Variants in ZNF423 observed in about 807,000 individuals in gnomAD.
ZNF423 encodes Ebf-associated zinc finger protein.
ZNF423 carries 12 observed loss-of-function variants against 95.8 expected under a neutral mutation model. The observed-to-expected ratio is 0.13, with a 90% CI of 0.08 to 0.20. ZNF423 has a LOEUF of 0.20. Ranked by LOEUF, ZNF423 falls within the 10% of genes least tolerant of loss-of-function variation. The pLI, the probability that ZNF423 is intolerant of heterozygous loss-of-function variation, is 1.00. For missense variants in ZNF423, 1,316 were observed against 1,737.1 expected (o/e 0.76, Z 4.31); for synonymous variants, 749 against 711.9 (o/e 1.05, Z -0.83).
intron 5 of ZNF423, among the ~76,000 whole-genome samples, chr16:49,607,069 ATTTTTT>A (rs56023806): frequency 1.4e-5 from 2 of 141,054 alleles, no homozygotes; most frequent in East Asian, 4.2e-4. Context: ...AATGTTTTGG[ATTTTTT>A]TTTTTTTTTT....
intron 3 of ZNF423, chr16:49,711,334 G>T (rs2032537550): frequency 6.6e-6 from 1 of 152,086 alleles, no homozygotes; most frequent in South Asian, 2.1e-4. Flanking sequence ...ATAAAGCACG[G>T]GGCATCCACA....
At chr16:49,693,432 C>T (rs148209368) in intron 3 of ZNF423, among the ~76,000 whole-genome samples, 4 of 152,268 alleles carry the variant, frequency 2.6e-5, no homozygotes, top group Non-Finnish European at 4.4e-5. Context: ...CTGTCTTATG[C>T]GTGAATAAGG....
At chr16:49,854,056 C>A in intron 1 of ZNF423, 1 of 985,376 alleles carries the variant, frequency 1.0e-6, no homozygotes. Flanking sequence ...AGCCGTACAG[C>A]CCTTCCATCA....
chr16:49,556,030 C>T (rs1426741533), intron 5 of ZNF423, among the ~76,000 whole-genome samples: 2 of 152,190 alleles, frequency 1.3e-5, no homozygotes, highest in South Asian at 2.1e-4. Flanking sequence ...ATGAGAACCA[C>T]AGACCTGCTT....
intron 5 of ZNF423, among the ~76,000 whole-genome samples, chr16:49,543,259 C>T (rs1252576078): frequency 1.3e-5 from 2 of 152,178 alleles, no homozygotes; most frequent in South Asian, 2.1e-4. Flanking sequence ...ATCCCATGTT[C>T]GGCAACAATG....
At chr16:49,540,071 T>A (rs1388674814) in intron 5 of ZNF423, among the ~76,000 whole-genome samples, 1 of 152,164 alleles carries the variant, frequency 6.6e-6, no homozygotes, top group East Asian at 1.9e-4. Flanking sequence ...GGGCTTGGTC[T>A]AGAGGGGTGA....
At position 49,603,599 on chromosome 16, in the gene ZNF423, G is replaced by A. The variant is rs1438438115; in HGVS notation, c.3601+22571C>T. ...TAATTTTTGTGTTTTTAGTAGAGAC[G>A]CGGTTTCACCATGTTGGCCAGGCTG... On this transcript the variant is annotated intron_variant, in intron 5 of 7. Transcript: ENST00000563137. The surrounding 1 kb of genome is among the most constrained non-coding windows in gnomAD (Gnocchi z 4.1). Among the ~76,000 whole-genome samples the A allele has an allele frequency of 1.3e-5, 2 of 152,076 alleles. No homozygotes were observed. The highest frequency in any genetic ancestry group is 2.4e-5 in the African/African-American group (1 of 41,400).
chr16:49,757,743 C>G (rs1332619618), intron 2 of ZNF423, among the ~76,000 whole-genome samples: 1 of 152,196 alleles, frequency 6.6e-6, no homozygotes, highest in Non-Finnish European at 1.5e-5. Context: ...ACAAACACCC[C>G]ACGTGCCCTG....
chr16:49,601,677 C>T (rs775017363), intron 5 of ZNF423, among the ~76,000 whole-genome samples: 36 of 152,306 alleles, frequency 2.4e-4, no homozygotes, highest in African/African-American at 8.4e-4. Context: ...CAGGGGTCTG[C>T]GCTGCACAGC....
intron 2 of ZNF423, among the ~76,000 whole-genome samples, chr16:49,739,824 G>A (rs139345892): frequency 1.1e-4 from 16 of 149,842 alleles, no homozygotes; most frequent in African/African-American, 2.5e-4. Flanking sequence ...TCAGCTTCCC[G>A]AGCAGTCAGG....
chr16:49,735,995 C>A (rs1440487135), intron 2 of ZNF423, among the ~76,000 whole-genome samples: 8 of 152,160 alleles, frequency 5.3e-5, no homozygotes, highest in African/African-American at 1.9e-4. Context: ...CCTTCTCGCC[C>A]CACACCGGAC....
chr16:49,820,026 GTGGATGGATGGATGGA>G (rs111486773), intron 1 of ZNF423, among the ~76,000 whole-genome samples: 48 of 150,590 alleles, frequency 3.2e-4, no homozygotes, highest in Admixed American at 1.1e-3. Flanking sequence ...TGTTGAATAG[GTGGATGGATGGATGGA>G]TGGATGGATG....
At chr16:49,741,880 T>C (rs753939227) in intron 2 of ZNF423, among the ~76,000 whole-genome samples, 10 of 152,344 alleles carry the variant, frequency 6.6e-5, no homozygotes, top group Non-Finnish European at 1.2e-4. Context: ...ACCTAGAAAA[T>C]GAGGATGGTA....
At chr16:49,843,883 T>G (rs1486679074) in intron 1 of ZNF423, among the ~76,000 whole-genome samples, 1 of 152,032 alleles carries the variant, frequency 6.6e-6, no homozygotes, top group African/African-American at 2.4e-5. Flanking sequence ...TAATGGTGGC[T>G]GATCCCTGGC....
intron 2 of ZNF423, among the ~76,000 whole-genome samples, chr16:49,739,231 G>C (rs1160381827): frequency 6.6e-6 from 1 of 152,192 alleles, no homozygotes. Context: ...AGTACAGCTT[G>C]AGACAATGGT....
chr16:49,651,146 A>G (rs1010967), intron 3 of ZNF423, among the ~76,000 whole-genome samples: 31,917 of 151,132 alleles, frequency 0.21, 3,520 homozygotes, highest in Admixed American at 0.25. Flanking sequence ...TCAGCTTCCC[A>G]AGTAGCTGGG....
In ZNF423 at chr16:49,488,183, C is replaced by T. The variant is rs1193562428; in HGVS notation, c.*3092G>A. On this transcript the variant is annotated 3_prime_UTR_variant, in exon 8 of 8. Transcript: ENST00000563137. ...TACAGGTTCCATCCCTAGGAACACA[C>T]ACCTTAGGAGGGAAGAAAAACAGGT... 6.6e-6 allele frequency: 1 copy of T among 152,238 alleles called. No homozygotes were observed. The highest frequency in any genetic ancestry group is 2.4e-5 in the African/African-American group (1 of 41,456). The allele number at this position is 152,238 out of a possible 1,614,324, so 9.4% of individuals were successfully genotyped here.
At chr16:49,523,503 C>T in intron 7 of ZNF423, 121 bp downstream of exon 7, 3 of 780,492 alleles carry the variant, frequency 3.8e-6, no homozygotes, top group East Asian at 2.6e-5. Context: ...GGAGGTCAGC[C>T]CCTGATTGCA....
chr16:49,605,511 C>T (rs566672618), intron 5 of ZNF423, among the ~76,000 whole-genome samples: 3 of 152,344 alleles, frequency 2.0e-5, no homozygotes, highest in African/African-American at 4.8e-5. Flanking sequence ...AAAGAGAGAA[C>T]TCCAACTCAG....
Sources: allele counts gnomAD v4.1 joint callset (sites outside exome capture counted in the v4.1 genomes callset), GRCh38; gene constraint gnomAD v4.1.1; non-coding constraint Gnocchi (gnomAD v3.1); transcripts MANE v1.5; gene names NCBI Gene and HGNC (gene_info 2026-07-23, HGNC 2026-07-21).